KCNH5: variants seen among roughly 807,000 people sequenced by gnomAD.
KCNH5 encodes voltage-gated delayed rectifier potassium channel KCNH5.
KCNH5 carries 46 observed loss-of-function variants against 96.1 expected under a neutral mutation model. The observed-to-expected ratio is 0.48, with a 90% CI of 0.38 to 0.61. The LOEUF is 0.61. Ranked by LOEUF, KCNH5 falls within the 20% of genes least tolerant of loss-of-function variation. KCNH5 has a pLI of 0.00. For synonymous variants in KCNH5, 439 were observed against 449.8 expected (o/e 0.98, Z 0.30); for missense variants, 907 against 1,225.8 (o/e 0.74, Z 3.88).
intron 10 of KCNH5, among the ~76,000 whole-genome samples, chr14:62,714,386 G>GTTAAACTCTTTAATTTT (rs1884639551): frequency 6.6e-6 from 1 of 151,944 alleles, no homozygotes; most frequent in South Asian, 2.1e-4. Context: ...TGATGAATTT[G>GTTAAACTCTTTAATTTT]ATTTAGTTAA....
rs1366381441 is a variant in KCNH5, at chr14:63,045,151, C to T, written c.36G>A (p.Gln12=). The stretch of plus-strand genomic sequence containing the variant: ...TGACGATGTTCTCCAAAAATGTGTT[C>T]TGCGGTGCCACCAGCCCTCTCTTGC... ...PGGKRGLVAP[Q]NTFLENIVRR... is the part of the protein sequence containing the mutation. Residue 12 remains glutamine, a synonymous_variant, in exon 1 of 11, where the codon CAG becomes CAA. Transcript: ENST00000322893. 6.2e-7 allele frequency: 1 copy of T among 1,613,960 alleles called. No individual in the cohort carries two copies. The highest frequency in any genetic ancestry group is 1.7e-5 in the Admixed American group (1 of 60,026).
chr14:62,861,025 A>G (rs753999228), intron 7 of KCNH5, among the ~76,000 whole-genome samples: 19 of 152,336 alleles, frequency 1.2e-4, no homozygotes, highest in South Asian at 4.1e-4. Context: ...AAGGAAAATG[A>G]AGCCTTTTTT....
chr14:62,955,084 CAAA>C (rs748636060), intron 6 of KCNH5, among the ~76,000 whole-genome samples: 1 of 115,742 alleles, frequency 8.6e-6, no homozygotes, highest in Non-Finnish European at 1.8e-5. Context: ...AGAGAACTGC[CAAA>C]AAAAAAAAAA....
At chr14:62,961,135 A>C (rs1890197961) in intron 6 of KCNH5, among the ~76,000 whole-genome samples, 1 of 152,054 alleles carries the variant, frequency 6.6e-6, no homozygotes, top group African/African-American at 2.4e-5. Flanking sequence ...CAAGCAAACC[A>C]AATTGGGGAT....
At chr14:62,750,671 T>C (rs1014638181) in intron 10 of KCNH5, among the ~76,000 whole-genome samples, 13 of 152,220 alleles carry the variant, frequency 8.5e-5, no homozygotes, top group African/African-American at 3.1e-4. Flanking sequence ...GGAGAACCCT[T>C]AGCAGCTCAG....
At chr14:62,879,424 A>G (rs1056716745) in intron 7 of KCNH5, among the ~76,000 whole-genome samples, 4 of 152,210 alleles carry the variant, frequency 2.6e-5, no homozygotes, top group African/African-American at 9.6e-5. Flanking sequence ...AGACTCCAAC[A>G]TTATCTGCCA....
At chr14:62,932,234 G>C (rs1889593560) in intron 7 of KCNH5, among the ~76,000 whole-genome samples, 1 of 152,078 alleles carries the variant, frequency 6.6e-6, no homozygotes. Flanking sequence ...ACTATGTGGG[G>C]ATAAGAAAAC....
chr14:63,001,375 T>C lies in KCNH5; in HGVS notation c.389A>G (p.Asp130Gly). The change falls in exon 4 of 11, where the codon GAT (aspartate) becomes GGT (glycine). Residue 130 changes from aspartate (D) to glycine (G), a missense_variant. Around this residue, in one of 6 missense-constraint regions of KCNH5, gnomAD observed 370 missense variants for 561.3 expected, o/e 0.66. Transcript: ENST00000322893. Reference sequence around the variant, plus strand: ...TATTGGCTGTTTGAACAACGTAATATCCTTGAAAGTACACAGGAACAAGAC... The same window carrying C: ...TATTGGCTGTTTGAACAACGTAATACCCTTGAAAGTACACAGGAACAAGAC... The part of the protein sequence containing the change: ...KVVLFLCTFK[D>G]ITLFKQPIED... The C allele has an allele frequency of 6.2e-7, 1 of 1,612,892 alleles. No homozygotes were observed. Among genetic ancestry groups the C allele is most frequent in the Non-Finnish European group, 8.5e-7 (1 of 1,179,458 alleles).
chr14:62,991,469 T>C (rs901411258), intron 4 of KCNH5, among the ~76,000 whole-genome samples: 5 of 152,008 alleles, frequency 3.3e-5, no homozygotes, highest in Admixed American at 2.0e-4. Context: ...GAGAGAAATT[T>C]AGGAGAAAAG....
At chr14:62,799,841 T>TTA (rs902231158) in intron 9 of KCNH5, among the ~76,000 whole-genome samples, 1 of 107,676 alleles carries the variant, frequency 9.3e-6, no homozygotes, top group Non-Finnish European at 2.2e-5. Flanking sequence ...AAATAATATA[T>TTA]TATATATATT....
rs1267263174 is a variant in KCNH5 at position 62,950,286 on chromosome 14, C to T, written c.1216G>A (p.Ala406Thr). 6.2e-7 allele frequency: 1 copy of T among 1,614,066 alleles called. No individual in the cohort carries two copies. The highest frequency in any genetic ancestry group is 8.5e-7 in the Non-Finnish European group (1 of 1,179,980). Residue 406 changes from alanine to threonine, a missense_variant, in exon 7 of 11, where the codon GCT becomes ACT. By Grantham distance (58) the Ala-to-Thr change is moderately conservative. Around this residue, in one of 6 missense-constraint regions of KCNH5, gnomAD observed 370 missense variants for 561.3 expected, o/e 0.66. Transcript: ENST00000322893. Reference protein sequence around the residue: ...IGTPYRYNTSAGIWEGGPSKD... With the variant: ...IGTPYRYNTSTGIWEGGPSKD... ...CTGGGTCCTCCTTCCCATATCCCAG[C>T]ACTGGTATTGTAGCGATATGGAGTC... is the stretch of plus-strand genomic sequence containing the variant.
intron 8 of KCNH5, among the ~76,000 whole-genome samples, chr14:62,829,735 G>A (rs935411618): frequency 6.6e-6 from 1 of 152,154 alleles, no homozygotes; most frequent in South Asian, 2.1e-4. Flanking sequence ...GAAATTCCCT[G>A]AAGACATTTT....
In KCNH5 at chr14:62,706,063, G is replaced by A. The variant is rs1484217829; in HGVS notation, c.*1445C>T. The A allele has an allele frequency of 6.6e-6, 1 of 152,054 alleles. No homozygotes were observed. Among genetic ancestry groups the A allele is most frequent in the Non-Finnish European group, 1.5e-5 (1 of 67,946 alleles). The allele number at this position is 152,054 out of a possible 1,614,324, so 9.4% of individuals were successfully genotyped here. ...AATAAGTTCTCCTGGGTTCTTACAA[G>A]TGAATGTGTATTTTATTCTCAATCC... On this transcript the variant is annotated 3_prime_UTR_variant, in exon 11 of 11. Coordinates refer to ENST00000322893, the MANE Select transcript of KCNH5 (RefSeq NM_139318.5).
chr14:62,721,666 C>T (rs1465674727), intron 10 of KCNH5, among the ~76,000 whole-genome samples: 1 of 151,998 alleles, frequency 6.6e-6, no homozygotes, highest in Non-Finnish European at 1.5e-5. Context: ...TTATTTCCCT[C>T]CTACCTAGTC....
intron 8 of KCNH5, among the ~76,000 whole-genome samples, chr14:62,826,826 A>C (rs1014147421): frequency 6.6e-6 from 1 of 151,810 alleles, no homozygotes; most frequent in Non-Finnish European, 1.5e-5. Context: ...TACTTTCATC[A>C]TATGTATTTT....
intron 6 of KCNH5, among the ~76,000 whole-genome samples, chr14:62,954,019 C>G (rs1890054253): frequency 1.3e-5 from 2 of 152,198 alleles, no homozygotes; most frequent in South Asian, 4.1e-4. Context: ...TTGTACCTAC[C>G]TACCTGCTCA....
At chr14:62,975,845 A>G (rs1890489069) in intron 6 of KCNH5, among the ~76,000 whole-genome samples, 3 of 152,316 alleles carry the variant, frequency 2.0e-5, no homozygotes, top group Non-Finnish European at 4.4e-5. Flanking sequence ...ATCACAATCA[A>G]TGTAAACAGA....
In KCNH5 at chr14:62,724,709, G is replaced by T. The variant is rs575515865; in HGVS notation, c.2020-16254C>A. ...AGGTTTGTGCTTCTAAACATTGCTG[G>T]CCAGTAATTGACCTGTAGTGTCTAG... On this transcript the variant is annotated intron_variant, in intron 10 of 10. Transcript: ENST00000322893. 1.6e-4 allele frequency among the ~76,000 whole-genome samples: 25 copies of T among 152,290 alleles called. No homozygotes were observed. The South Asian group carries it at 5.2e-3, about 32-fold the overall frequency.
intron 10 of KCNH5, among the ~76,000 whole-genome samples, chr14:62,726,910 C>G (rs1391249495): frequency 6.6e-6 from 1 of 152,098 alleles, no homozygotes; most frequent in Non-Finnish European, 1.5e-5. Flanking sequence ...GTACAAAACT[C>G]TACAATGAAA....
Sources: gnomAD v4.1 joint callset for allele counts (sites outside exome capture counted in the v4.1 genomes callset) on GRCh38, gnomAD v4.1.1 for gene constraint, gnomAD v4.1.1 regional missense constraint, MANE v1.5 for transcripts, NCBI Gene and HGNC (gene_info 2026-07-23, HGNC 2026-07-21) for gene names.